Variants in NELL2 observed in about 807,000 individuals in gnomAD.
NELL2 encodes the protein protein kinase C-binding protein NELL2.
In NELL2, 41 loss-of-function variants were observed where a neutral mutation model predicts 109.6. The observed-to-expected ratio is 0.37, with a 90% CI of 0.29 to 0.49. The LOEUF (loss-of-function observed/expected upper bound fraction) is 0.49, where lower values mean the gene tolerates loss of function less well. NELL2 is among the 20% of genes least tolerant of loss of function. NELL2 has a pLI of 0.98. For synonymous variants in NELL2, 355 were observed against 344.7 expected (o/e 1.03, Z -0.33); for missense variants, 900 against 1,008.3 (o/e 0.89, Z 1.45).
At chr12:44,899,677 T>C (rs1249670242) in intron 1 of NELL2, among the ~76,000 whole-genome samples, 1 of 151,908 alleles carries the variant, frequency 6.6e-6, no homozygotes. Flanking sequence ...ATGTAAAGCA[T>C]CGACACTATG....
At chr12:44,823,264 T>G (rs1943601543) in intron 2 of NELL2, among the ~76,000 whole-genome samples, 1 of 152,188 alleles carries the variant, frequency 6.6e-6, no homozygotes, top group Admixed American at 6.5e-5. Flanking sequence ...TAATGTATGG[T>G]GAGAACATTT....
At chr12:44,706,685 G>A (rs1937899997) in intron 11 of NELL2, among the ~76,000 whole-genome samples, 1 of 152,000 alleles carries the variant, frequency 6.6e-6, no homozygotes, top group Non-Finnish European at 1.5e-5. Flanking sequence ...AATAACTAAA[G>A]TTATTAGAGC....
At chr12:44,544,689 AT>A (rs1176218962) in intron 15 of NELL2, among the ~76,000 whole-genome samples, 1 of 152,034 alleles carries the variant, frequency 6.6e-6, no homozygotes, top group Admixed American at 6.6e-5. Context: ...TAGGAATCTC[AT>A]TTTAGAAATG....
chr12:44,862,068 A>G (rs1356196537), intron 2 of NELL2, among the ~76,000 whole-genome samples: 1 of 152,220 alleles, frequency 6.6e-6, no homozygotes, highest in Non-Finnish European at 1.5e-5. Flanking sequence ...ATCCAAAACA[A>G]TTGTTTTAAT....
chr12:44,914,853 A>AT (rs57519881), upstream of NELL2, among the ~76,000 whole-genome samples: 21,943 of 146,772 alleles, frequency 0.15, 1,747 homozygotes, highest in Admixed American at 0.22. Flanking sequence ...TAAAAAAGAA[A>AT]TTTTTTTTTT....
intron 14 of NELL2, among the ~76,000 whole-genome samples, chr12:44,609,418 A>AC: frequency 6.6e-6 from 1 of 152,064 alleles, no homozygotes; most frequent in Admixed American, 6.6e-5. Context: ...GAGAGATCTC[A>AC]TCATGCTACT....
At chr12:44,537,167 T>C (rs140526045) in intron 15 of NELL2, among the ~76,000 whole-genome samples, 1 of 151,784 alleles carries the variant, frequency 6.6e-6, no homozygotes, top group African/African-American at 2.4e-5. Flanking sequence ...TCAGAGGCAA[T>C]CAACTGACAA....
intron 15 of NELL2, among the ~76,000 whole-genome samples, chr12:44,551,581 C>T (rs1357971279): frequency 6.6e-6 from 1 of 152,120 alleles, no homozygotes; most frequent in East Asian, 1.9e-4. Context: ...TCCCAAGTGC[C>T]TTCTCCCCCT....
chr12:44,909,147 T>C (rs1211589737), intron 1 of NELL2, among the ~76,000 whole-genome samples: 1 of 152,014 alleles, frequency 6.6e-6, no homozygotes, highest in East Asian at 1.9e-4. Flanking sequence ...ACTATGTCTC[T>C]TTACTGATGA....
At chr12:44,603,105 TA>T (rs1397450704) in intron 15 of NELL2, among the ~76,000 whole-genome samples, 2 of 152,100 alleles carry the variant, frequency 1.3e-5, no homozygotes, top group Admixed American at 1.3e-4. Flanking sequence ...CAAAAACACT[TA>T]GGGGTGCAAC....
chr12:44,761,310 G>A (rs1380450463), intron 9 of NELL2, among the ~76,000 whole-genome samples: 1 of 152,206 alleles, frequency 6.6e-6, no homozygotes, highest in Non-Finnish European at 1.5e-5. Flanking sequence ...GGAGGTTGCG[G>A]TGAGCCAAGA....
chr12:44,858,632 G>A (rs1047191962), intron 2 of NELL2, among the ~76,000 whole-genome samples: 3 of 152,140 alleles, frequency 2.0e-5, no homozygotes, highest in Admixed American at 6.6e-5. Flanking sequence ...ATGGTGAAGC[G>A]AAAGTCACCA....
intron 12 of NELL2, among the ~76,000 whole-genome samples, chr12:44,677,367 C>T (rs1228512683): frequency 6.6e-6 from 1 of 152,022 alleles, no homozygotes; most frequent in Non-Finnish European, 1.5e-5. Flanking sequence ...GTAAAAGATG[C>T]AGTAGAGTGT....
At chr12:44,892,906 C>T (rs1324161186) in intron 1 of NELL2, among the ~76,000 whole-genome samples, 1 of 151,316 alleles carries the variant, frequency 6.6e-6, no homozygotes, top group African/African-American at 2.4e-5. Flanking sequence ...ACAATCTGAT[C>T]CCAAGATCCA....
At chr12:44,548,544 AAAAAAAAAAAAAAC>A in intron 15 of NELL2, among the ~76,000 whole-genome samples, 1 of 4,304 alleles carries the variant, frequency 2.3e-4, no homozygotes, top group South Asian at 0.062. Flanking sequence ...GACTCCGTCT[AAAAAAAAAAAAAAC>A]AAAAGAAAAA....
chr12:44,665,103 A>G (rs1592293249), intron 13 of NELL2, among the ~76,000 whole-genome samples: 1 of 151,608 alleles, frequency 6.6e-6, no homozygotes, highest in South Asian at 2.1e-4. Context: ...CTCTAAATCT[A>G]TCTCTGAAAA....
At chr12:44,645,103 A>G (rs1947044765) in intron 13 of NELL2, among the ~76,000 whole-genome samples, 1 of 152,152 alleles carries the variant, frequency 6.6e-6, no homozygotes, top group Non-Finnish European at 1.5e-5. Flanking sequence ...CGAAGAAAAA[A>G]GAAGACTGAA....
intron 3 of NELL2, among the ~76,000 whole-genome samples, chr12:44,781,719 T>C (rs775171083): frequency 3.3e-5 from 5 of 152,004 alleles, no homozygotes; most frequent in African/African-American, 4.8e-5. Context: ...GTAGAAACCA[T>C]GGGAGCCATA....
intron 15 of NELL2, among the ~76,000 whole-genome samples, chr12:44,552,927 CTATT>C (rs1943097238): frequency 1.3e-5 from 2 of 152,052 alleles, no homozygotes. Flanking sequence ...ATTATCTACT[CTATT>C]TATCTCTCTA....
Sources: gnomAD v4.1 joint callset for allele counts (sites outside exome capture counted in the v4.1 genomes callset) on GRCh38, gnomAD v4.1.1 for gene constraint, MANE v1.5 for transcripts, NCBI Gene and HGNC (gene_info 2026-07-23, HGNC 2026-07-21) for gene names.